ASIC2: variants seen among roughly 807,000 people sequenced by gnomAD.
The protein encoded by ASIC2 is acid-sensing ion channel 2.
Under a neutral mutation model 57.3 loss-of-function variants are expected in ASIC2, and 25 were observed. The ratio of observed to expected loss-of-function variants is 0.44; its 90% CI spans 0.32 to 0.61. ASIC2 has a LOEUF of 0.61. ASIC2 is among the 20% of genes least tolerant of loss of function. The pLI, the probability that ASIC2 is intolerant of heterozygous loss-of-function variation, is 0.06. For missense variants in ASIC2, 641 were observed against 738.1 expected, an observed-to-expected ratio of 0.87 and a Z score of 1.52; for synonymous variants, 319 against 307.5, an observed-to-expected ratio of 1.04 and a Z score of -0.39.
At chr17:33,079,451 G>A (rs1455386973) in intron 3 of ASIC2, among the ~76,000 whole-genome samples, 9 of 152,108 alleles carry the variant, frequency 5.9e-5, no homozygotes, top group Non-Finnish European at 1.2e-4. Flanking sequence ...GTGTTGTGTG[G>A]GAGGCTGGGG....
At chr17:33,185,464 T>C (rs937144741) in intron 1 of ASIC2, among the ~76,000 whole-genome samples, 52 of 152,070 alleles carry the variant, frequency 3.4e-4, no homozygotes, top group African/African-American at 1.2e-3. Flanking sequence ...TACGGGGCAA[T>C]GCTCCCCGAG....
chr17:33,485,549 G>T (rs1913549136), intron 1 of ASIC2, among the ~76,000 whole-genome samples: 1 of 152,200 alleles, frequency 6.6e-6, no homozygotes, highest in African/African-American at 2.4e-5. Context: ...TACATTGTGA[G>T]ATGCTGACAC....
chr17:33,957,884 C>T (rs1904787493), intron 1 of ASIC2, among the ~76,000 whole-genome samples: 1 of 152,174 alleles, frequency 6.6e-6, no homozygotes, highest in South Asian at 2.1e-4. Flanking sequence ...GTCCCTTCTG[C>T]CTATGAGCCT....
chr17:33,443,122 G>A (rs1463885043), intron 1 of ASIC2, among the ~76,000 whole-genome samples: 2 of 152,166 alleles, frequency 1.3e-5, no homozygotes, highest in East Asian at 1.9e-4. Context: ...CTGTGTCACA[G>A]TATATAATCC....
chr17:33,716,295 C>T (rs554216663), intron 1 of ASIC2, among the ~76,000 whole-genome samples: 4 of 152,282 alleles, frequency 2.6e-5, no homozygotes, highest in Admixed American at 1.3e-4. Flanking sequence ...TTGGATCTTA[C>T]GGATAAAGAC....
chr17:33,746,358 A>G (rs1053366077), intron 1 of ASIC2, among the ~76,000 whole-genome samples: 4 of 147,016 alleles, frequency 2.7e-5, no homozygotes, highest in Admixed American at 6.8e-5. Context: ...GTATCTACCT[A>G]TATATGTAGA....
At chr17:33,832,048 A>G (rs1913129780) in intron 1 of ASIC2, among the ~76,000 whole-genome samples, 1 of 152,176 alleles carries the variant, frequency 6.6e-6, no homozygotes, top group Non-Finnish European at 1.5e-5. Context: ...GTAGTTCATC[A>G]CTATCAACAG....
rs1244454524 is a variant in ASIC2 at position 33,572,818 on chromosome 17, C to G, written c.556-460751G>C. 3.3e-5 allele frequency among the ~76,000 whole-genome samples: 5 copies of G among 152,214 alleles called. 1 individual carries two copies. Among genetic ancestry groups the G allele is most frequent in the Admixed American group, 2.6e-4 (4 of 15,282 alleles). ...CATTGTACCTGCTTTGTGCCTTCCC[C>G]TGCTCCATAGCCTGGCCTGGCTGGA... is the stretch of plus-strand genomic sequence containing the variant. On this transcript the variant is annotated intron_variant, in intron 1 of 9. Transcript: ENST00000359872.
chr17:33,171,877 G>A lies in ASIC2; in HGVS notation c.709-59810C>T, dbSNP rs112973998. On this transcript the variant is annotated intron_variant, in intron 1 of 9. Coordinates refer to ENST00000225823, the MANE Select transcript of ASIC2 (RefSeq NM_183377.2). ...ACAAGGCCTTTGCAAACCTTGTTCC[G>A]TCTGCCTGGAAAGCCCTTCTCTGCC... is the stretch of plus-strand genomic sequence containing the variant. Among the ~76,000 whole-genome samples, 598 of 152,150 alleles carry A rather than the reference G, an allele frequency of 3.9e-3. 2 individuals carry two copies. The highest frequency in any genetic ancestry group is 7.8e-3 in the Admixed American group (119 of 15,286).
chr17:33,620,116 A>T, intron 1 of ASIC2, among the ~76,000 whole-genome samples: 1 of 151,942 alleles, frequency 6.6e-6, no homozygotes, highest in Non-Finnish European at 1.5e-5. Context: ...TACCTGTCGA[A>T]TTTTGAACCT....
chr17:34,130,589 T>C (rs1335892252), intron 1 of ASIC2, among the ~76,000 whole-genome samples: 1 of 152,232 alleles, frequency 6.6e-6, no homozygotes, highest in Non-Finnish European at 1.5e-5. Context: ...TAAGCTTCAA[T>C]GCCCACACCT....
At chr17:33,104,216 C>T (rs1314887569) in intron 2 of ASIC2, among the ~76,000 whole-genome samples, 4 of 152,150 alleles carry the variant, frequency 2.6e-5, no homozygotes, top group Non-Finnish European at 4.4e-5. Context: ...AAAAACCCTT[C>T]GATTGCCATT....
intron 1 of ASIC2, among the ~76,000 whole-genome samples, chr17:33,675,496 T>C (rs1907790036): frequency 6.6e-6 from 1 of 152,240 alleles, no homozygotes. Flanking sequence ...GGTTCTTGCC[T>C]TGGGGGACAC....
At chr17:33,019,906 T>C (rs181292403) in intron 7 of ASIC2, among the ~76,000 whole-genome samples, 1 of 152,086 alleles carries the variant, frequency 6.6e-6, no homozygotes, top group African/African-American at 2.4e-5. Context: ...ACTGTGAGCC[T>C]ATGCTGGGGG....
At chr17:33,448,879 C>T (rs1234506790) in intron 1 of ASIC2, among the ~76,000 whole-genome samples, 3 of 152,146 alleles carry the variant, frequency 2.0e-5, no homozygotes, top group Non-Finnish European at 2.9e-5. Context: ...ATGAATGGAT[C>T]CTCTGTAGGG....
chr17:33,499,239 G>C, intron 1 of ASIC2, among the ~76,000 whole-genome samples: 1 of 152,312 alleles, frequency 6.6e-6, no homozygotes, highest in East Asian at 1.9e-4. Context: ...CAGGATTCAG[G>C]CCTAAGCCAA....
At chr17:33,452,836 G>A (rs1269620421) in intron 1 of ASIC2, among the ~76,000 whole-genome samples, 1 of 151,612 alleles carries the variant, frequency 6.6e-6, no homozygotes, top group African/African-American at 2.4e-5. Context: ...ACTTGTCAGG[G>A]GCTCAGTCTT....
chr17:33,343,717 T>A (rs1247298774), intron 1 of ASIC2, among the ~76,000 whole-genome samples: 1 of 152,224 alleles, frequency 6.6e-6, no homozygotes, highest in Non-Finnish European at 1.5e-5. Context: ...TGTTCACTTC[T>A]GTGTTCACTT....
At chr17:34,007,380 A>C (rs1462605348) in intron 1 of ASIC2, among the ~76,000 whole-genome samples, 2 of 152,166 alleles carry the variant, frequency 1.3e-5, no homozygotes, top group Non-Finnish European at 2.9e-5. Flanking sequence ...TTGTGAAGTG[A>C]ATGGAAATTC....
Sources: gnomAD v4.1 joint callset for allele counts (sites outside exome capture counted in the v4.1 genomes callset) on GRCh38, gnomAD v4.1.1 for gene constraint, MANE v1.5 for transcripts, NCBI Gene and HGNC (gene_info 2026-07-23, HGNC 2026-07-21) for gene names.